ATF3: variants seen among roughly 807,000 people sequenced by gnomAD.
ATF3 encodes the protein activating transcription factor 3, also known as cyclic AMP-dependent transcription factor ATF-3.
In ATF3, 10 loss-of-function variants were observed where a neutral mutation model predicts 18.4. The observed-to-expected ratio is 0.54, with a 90% CI of 0.34 to 0.92. ATF3 has a LOEUF of 0.92. Among genes scored for constraint, ATF3 ranks in the 40% least tolerant of loss-of-function variants. The pLI is 0.02. For synonymous variants in ATF3, 78 were observed against 87.9 expected, an observed-to-expected ratio of 0.89 and a Z score of 0.63; for missense variants, 183 against 222.3, an observed-to-expected ratio of 0.82 and a Z score of 1.12.
chr1:212,594,767 G>A (rs756940205), intron 1 of ATF3, among the ~76,000 whole-genome samples: 4 of 152,204 alleles, frequency 2.6e-5, no homozygotes, highest in African/African-American at 7.2e-5. Flanking sequence ...AGATGCAGAG[G>A]AGCTAATGGG....
At chr1:212,580,701 C>A (rs1296018135) in intron 1 of ATF3, among the ~76,000 whole-genome samples, 1 of 152,212 alleles carries the variant, frequency 6.6e-6, no homozygotes, top group Admixed American at 6.5e-5. Context: ...ACATTTGCAG[C>A]ACTCTAATTT....
At position 212,619,720 on chromosome 1, in the gene ATF3, T is replaced by G. The variant is rs1655290292; in HGVS notation, c.*165T>G. The G allele has an allele frequency of 1.1e-6, 1 of 928,002 alleles. No homozygotes were observed. The highest frequency in any genetic ancestry group is 1.6e-6 in the Non-Finnish European group (1 of 627,720). The allele number at this position is 928,002 out of a possible 1,614,324, so 57.5% of individuals were successfully genotyped here. A position where few individuals can be genotyped will look rare whatever the true frequency, so the allele number is the denominator to read the frequency against. ...GCAGTGATTCAGCAGGCCCTTCCCA[T>G]TCTGCCCCAGAGTGGGTCTTGGACC... On this transcript the variant is annotated 3_prime_UTR_variant, in exon 4 of 4. Coordinates refer to ENST00000341491, the MANE Select transcript of ATF3 (RefSeq NM_001674.4). The surrounding 1 kb of genome is among the most constrained non-coding windows in gnomAD (Gnocchi z 4.4).
Position 212,589,677 on chromosome 1 carries a change from C to T in ATF3, c.-5+24194C>T, listed in dbSNP as rs1162001547. On this transcript the variant is annotated intron_variant, in intron 1 of 3. Coordinates refer to the ATF3 transcript ENST00000366981. ...CAGCTTGCACAACAAGAGTGAGACA[C>T]CGTCTCAAAAAAAAAAAGAAAGAAA... is the stretch of plus-strand genomic sequence containing the variant. Among the ~76,000 whole-genome samples the T allele has an allele frequency of 3.6e-5, 5 of 139,572 alleles. No individual in the cohort carries two copies. In the East Asian group the frequency reaches 5.9e-4, roughly 17 times the overall value. 91.6% of individuals were successfully genotyped at this position (139,572 alleles called of 152,430 possible). A position where few individuals can be genotyped will look rare whatever the true frequency, so the allele number is the denominator to read the frequency against.
chr1:212,617,945 G>C (rs1403180278), intron 2 of ATF3, among the ~76,000 whole-genome samples, 182 bp from the exon 3 acceptor site: 1 of 68,710 alleles, frequency 1.5e-5, no homozygotes, highest in Non-Finnish European at 3.5e-5. Context: ...GTGTGTGTGT[G>C]CGTGTGTGTG....
At chr1:212,591,172 A>G (rs922205310) in intron 1 of ATF3, among the ~76,000 whole-genome samples, 2 of 152,156 alleles carry the variant, frequency 1.3e-5, no homozygotes, top group African/African-American at 4.8e-5. Flanking sequence ...TCTACTTGGA[A>G]TGCTTTTCCC....
intron 1 of ATF3, among the ~76,000 whole-genome samples, chr1:212,571,604 C>A (rs973786103): frequency 1.3e-5 from 2 of 151,842 alleles, no homozygotes; most frequent in African/African-American, 4.8e-5. Flanking sequence ...GAGGTTTCAT[C>A]ATTTTGGCCA....
rs559562080 is a variant in ATF3, at chr1:212,569,054, A to G, written c.-5+3571A>G. 9.8e-5 allele frequency among the ~76,000 whole-genome samples: 15 copies of G among 152,346 alleles called. 1 individual carries two copies. The South Asian group carries it at 2.9e-3, about 29-fold the overall frequency. Reference sequence around the variant, plus strand: ...CTAAATGTTTAACATATATTCTAAAATAAACATTGGCTGTTTAGAGCCCTT... The same window carrying G: ...CTAAATGTTTAACATATATTCTAAAGTAAACATTGGCTGTTTAGAGCCCTT... On this transcript the variant is annotated intron_variant, in intron 1 of 3. Coordinates refer to the ATF3 transcript ENST00000366981.
chr1:212,617,502 A>T (rs1383800577), intron 2 of ATF3, among the ~76,000 whole-genome samples: 5 of 152,188 alleles, frequency 3.3e-5, no homozygotes, highest in Non-Finnish European at 7.3e-5. Flanking sequence ...GACCTAAAAG[A>T]CTGTCCTAGT....
At chr1:212,575,721 C>T (rs1026898421) in intron 1 of ATF3, among the ~76,000 whole-genome samples, 1 of 151,998 alleles carries the variant, frequency 6.6e-6, no homozygotes, top group Non-Finnish European at 1.5e-5. Flanking sequence ...TTTAAAACCA[C>T]GAATGAATGC....
At chr1:212,609,806 T>TC (rs1654819363) in intron 1 of ATF3, among the ~76,000 whole-genome samples, 1 of 152,250 alleles carries the variant, frequency 6.6e-6, no homozygotes, top group Non-Finnish European at 1.5e-5. Context: ...GTGCCAGGAC[T>TC]CTGAGCGCTT....
At chr1:212,590,340 G>C (rs1208598837) in intron 1 of ATF3, among the ~76,000 whole-genome samples, 1 of 151,300 alleles carries the variant, frequency 6.6e-6, no homozygotes, top group Admixed American at 6.6e-5. Flanking sequence ...CTGAGGCCCT[G>C]ATTTAAATCT....
intron 2 of ATF3, among the ~76,000 whole-genome samples, chr1:212,616,559 A>G (rs1293664289): frequency 6.6e-6 from 1 of 152,142 alleles, no homozygotes; most frequent in East Asian, 1.9e-4. Flanking sequence ...CGGCCTCCCA[A>G]AGTGCTGGGA....
At chr1:212,604,468 G>T (rs1414249001), upstream of ATF3, among the ~76,000 whole-genome samples, 1 of 152,184 alleles carries the variant, frequency 6.6e-6, no homozygotes, top group African/African-American at 2.4e-5. Context: ...GGGGTGTTCT[G>T]CCACATCCCT....
intron 1 of ATF3, among the ~76,000 whole-genome samples, chr1:212,614,748 T>G (rs2102657615): frequency 6.6e-6 from 1 of 152,352 alleles, no homozygotes; most frequent in East Asian, 1.9e-4. Flanking sequence ...CCAAAACTCA[T>G]AGATCTTGTG....
chr1:212,618,140 A>G lies in ATF3; in HGVS notation c.254A>G (p.Glu85Gly), dbSNP rs1250450517. The change falls in exon 3 of 4, where the codon GAA becomes GGA. Residue 85 changes from glutamate to glycine, a missense_variant. Glu to Gly is a moderately conservative substitution (Grantham distance 98). Coordinates refer to ENST00000341491, the MANE Select transcript of ATF3 (RefSeq NM_001674.4). This position sits in a 1 kb window ranked among gnomAD's most constrained non-coding sequence, Gnocchi z 4.4. The stretch of plus-strand genomic sequence containing the variant: ...TGGATTTTACAGGTAGCCCCTGAAG[A>G]AGATGAAAGGAAAAAGAGGCGACGA... The part of the protein sequence containing the change: ...SITKAEVAPE[E>G]DERKKRRRER... 1 of 1,614,156 alleles carries G rather than the reference A, an allele frequency of 6.2e-7. No individual in the cohort carries two copies. Among genetic ancestry groups the G allele is most frequent in the South Asian group, 1.1e-5 (1 of 91,080 alleles).
At chr1:212,569,341 C>T (rs187067439) in intron 1 of ATF3, among the ~76,000 whole-genome samples, 164 of 152,340 alleles carry the variant, frequency 1.1e-3, no homozygotes, top group African/African-American at 3.9e-3. Flanking sequence ...CACTTTCTGA[C>T]TTCGAATTTT....
At chr1:212,575,827 A>C (rs1664567972) in intron 1 of ATF3, among the ~76,000 whole-genome samples, 1 of 152,130 alleles carries the variant, frequency 6.6e-6, no homozygotes, top group African/African-American at 2.4e-5. Flanking sequence ...TAATTTAATA[A>C]GTTTTCAAAT....
At chr1:212,601,274 C>G (rs1241848146) in intron 1 of ATF3, among the ~76,000 whole-genome samples, 1 of 152,140 alleles carries the variant, frequency 6.6e-6, no homozygotes, top group Non-Finnish European at 1.5e-5. Flanking sequence ...GCAAATTTGG[C>G]AGGGGGGAAA....
At chr1:212,617,433 G>C (rs1452225765) in intron 2 of ATF3, among the ~76,000 whole-genome samples, 5 of 152,238 alleles carry the variant, frequency 3.3e-5, no homozygotes, top group South Asian at 2.1e-4. Flanking sequence ...GCAAGTGGAA[G>C]TGTTTCAGGC....
Sources: gnomAD v4.1 joint callset for allele counts (sites outside exome capture counted in the v4.1 genomes callset) on GRCh38, gnomAD v4.1.1 for gene constraint, Gnocchi (gnomAD v3.1) non-coding constraint, MANE v1.5 for transcripts, NCBI Gene and HGNC (gene_info 2026-07-23, HGNC 2026-07-21) for gene names.